LRP1B: variants seen among roughly 807,000 people sequenced by gnomAD.
LRP1B encodes LDL receptor related protein 1B.
Under a neutral mutation model 556.6 loss-of-function variants are expected in LRP1B, and 217 were observed. The ratio of observed to expected loss-of-function variants is 0.39; its 90% CI spans 0.35 to 0.44. The LOEUF (loss-of-function observed/expected upper bound fraction) is 0.44, where lower values mean the gene tolerates loss of function less well. Ranked by LOEUF, LRP1B falls within the 20% of genes least tolerant of loss-of-function variation. LRP1B has a pLI of 1.00. For synonymous variants in LRP1B, 2,047 were observed against 1,865.8 expected (o/e 1.10, Z -2.50); for missense variants, 5,053 against 5,620.8 (o/e 0.90, Z 3.23).
chr2:140,898,733 T>G, intron 23 of LRP1B: 1 of 555,988 alleles, frequency 1.8e-6, no homozygotes, highest in Non-Finnish European at 3.4e-6. Context: ...CATCTACCTT[T>G]GGGCAACTCT....
chr2:141,589,977 C>T (rs182099071), intron 2 of LRP1B, among the ~76,000 whole-genome samples: 10 of 152,226 alleles, frequency 6.6e-5, no homozygotes, highest in Admixed American at 2.0e-4. Flanking sequence ...ACAAGTTCTT[C>T]GACTTGAAAA....
chr2:141,597,735 T>C (rs1687575709), intron 2 of LRP1B, among the ~76,000 whole-genome samples: 1 of 152,106 alleles, frequency 6.6e-6, no homozygotes, highest in South Asian at 2.1e-4. Flanking sequence ...CTCTTATTTT[T>C]ACTTCTTTTA....
intron 43 of LRP1B, among the ~76,000 whole-genome samples, chr2:140,570,411 A>G (rs1416711626): frequency 1.3e-5 from 2 of 151,712 alleles, no homozygotes; most frequent in Non-Finnish European, 3.0e-5. Flanking sequence ...ATACTGACAA[A>G]TTGGAAAACC....
At chr2:141,431,075 G>T (rs1238116780) in intron 3 of LRP1B, among the ~76,000 whole-genome samples, 3 of 152,004 alleles carry the variant, frequency 2.0e-5, no homozygotes, top group Non-Finnish European at 4.4e-5. Context: ...GGTTGAGGCT[G>T]CAGTGAGCTG....
At chr2:141,063,638 T>C (rs1427040930) in intron 7 of LRP1B, among the ~76,000 whole-genome samples, 2 of 151,730 alleles carry the variant, frequency 1.3e-5, no homozygotes, top group African/African-American at 4.8e-5. Context: ...CCTCCGTCTC[T>C]CTCTCTCTTC....
intron 14 of LRP1B, among the ~76,000 whole-genome samples, chr2:141,006,170 C>T (rs974712167): frequency 6.6e-6 from 1 of 151,910 alleles, no homozygotes; most frequent in African/African-American, 2.4e-5. Context: ...ATTTTTAAAT[C>T]GACAAGTAAC....
chr2:141,615,437 A>C (rs1688260235), intron 2 of LRP1B, among the ~76,000 whole-genome samples: 1 of 152,184 alleles, frequency 6.6e-6, no homozygotes, highest in African/African-American at 2.4e-5. Flanking sequence ...AAATGCCCTG[A>C]CACTCATAGA....
At chr2:141,373,068 A>T (rs551072639) in intron 3 of LRP1B, among the ~76,000 whole-genome samples, 13 of 152,168 alleles carry the variant, frequency 8.5e-5, no homozygotes, top group African/African-American at 2.2e-4. Flanking sequence ...CAAAATTTTT[A>T]AAAAATTTCT....
intron 41 of LRP1B, among the ~76,000 whole-genome samples, chr2:140,655,032 G>GTGTATATATATATATA (rs767709816): frequency 4.8e-5 from 7 of 147,090 alleles, no homozygotes; most frequent in African/African-American, 1.0e-4. Context: ...GTATATGTAT[G>GTGTATATATATATATA]TATATATATA....
chr2:141,360,001 T>C (rs1247081927), intron 3 of LRP1B, among the ~76,000 whole-genome samples: 3 of 152,034 alleles, frequency 2.0e-5, no homozygotes, highest in South Asian at 2.1e-4. Context: ...ACAGGGAAGA[T>C]AGATACACAA....
At chr2:141,522,701 A>C (rs1360415601) in intron 2 of LRP1B, among the ~76,000 whole-genome samples, 1 of 152,170 alleles carries the variant, frequency 6.6e-6, no homozygotes. Context: ...CCATGAGGCC[A>C]TGTGTGGGTG....
chr2:140,296,500 A>C (rs368251977), intron 84 of LRP1B, among the ~76,000 whole-genome samples: 1 of 152,190 alleles, frequency 6.6e-6, no homozygotes, highest in African/African-American at 2.4e-5. Context: ...AATTCAGAAA[A>C]TAGGTTAAGC....
At chr2:140,829,225 T>G (rs1691631623) in intron 31 of LRP1B, among the ~76,000 whole-genome samples, 1 of 152,056 alleles carries the variant, frequency 6.6e-6, no homozygotes, top group African/African-American at 2.4e-5. Flanking sequence ...GACAGATCAT[T>G]GAGATGGAAA....
chr2:141,353,231 G>A (rs1220311878), intron 3 of LRP1B, among the ~76,000 whole-genome samples: 1 of 151,854 alleles, frequency 6.6e-6, no homozygotes, highest in Non-Finnish European at 1.5e-5. Context: ...TATTTCCAAG[G>A]ATAGTTGTTA....
intron 2 of LRP1B, among the ~76,000 whole-genome samples, chr2:141,758,208 A>G (rs751699933): frequency 1.8e-4 from 27 of 152,148 alleles, no homozygotes; most frequent in Non-Finnish European, 3.2e-4. Context: ...TAGGAGTATT[A>G]AATTTGTAAC....
chr2:142,103,218 T>A (rs1460789077), intron 1 of LRP1B, among the ~76,000 whole-genome samples: 1 of 151,998 alleles, frequency 6.6e-6, no homozygotes, highest in East Asian at 1.9e-4. Context: ...AAAATAATCA[T>A]GCAAATTATT....
intron 84 of LRP1B, among the ~76,000 whole-genome samples, chr2:140,294,272 A>T (rs1433065626): frequency 6.6e-6 from 1 of 152,228 alleles, no homozygotes; most frequent in Non-Finnish European, 1.5e-5. Context: ...TACAGTTACA[A>T]GATCATTGAA....
chr2:142,055,905 C>T (rs530314040), intron 1 of LRP1B, among the ~76,000 whole-genome samples: 6 of 152,140 alleles, frequency 3.9e-5, no homozygotes, highest in Non-Finnish European at 7.4e-5. Context: ...AATCCTGGTA[C>T]TTTGGGAGGC....
rs190466792 is a variant in LRP1B, at chr2:140,242,573, A to G, written c.13325-3041T>C. ...TGCTTGATGTATAACAGAATAACAA[A>G]TAAATGGGTTCATTCACTATAGTAG... On this transcript the variant is annotated intron_variant, in intron 87 of 90. Coordinates refer to ENST00000389484, the MANE Select transcript of LRP1B (RefSeq NM_018557.3). Among the ~76,000 whole-genome samples the G allele has an allele frequency of 2.0e-5, 3 of 151,276 alleles. No homozygotes were observed. The East Asian group carries it at 5.9e-4, about 30-fold the overall frequency.
Sources: allele counts gnomAD v4.1 joint callset (sites outside exome capture counted in the v4.1 genomes callset), GRCh38; gene constraint gnomAD v4.1.1; transcripts MANE v1.5; gene names NCBI Gene and HGNC (gene_info 2026-07-23, HGNC 2026-07-21).